The following HOOK1 variants were observed in gnomAD, a reference collection of about 807,000 sequenced individuals.
HOOK1 encodes protein Hook homolog 1.
Under a neutral mutation model 112.8 loss-of-function variants are expected in HOOK1, and 60 were observed. That is an observed-to-expected ratio of 0.53 (90% confidence interval 0.43 to 0.66). The LOEUF is 0.66. HOOK1 is among the 30% of genes least tolerant of loss of function. The pLI is 0.00. For synonymous variants in HOOK1, 294 were observed against 283.8 expected, an observed-to-expected ratio of 1.04 and a Z score of -0.36; for missense variants, 770 against 856.0, an observed-to-expected ratio of 0.90 and a Z score of 1.25.
rs1559053315 is a variant in HOOK1 at position 59,846,611 on chromosome 1, T to TCCCTCC, written c.789-433_789-432insCCTCCC. On this transcript the variant is annotated intron_variant, in intron 9 of 21. Coordinates refer to ENST00000371208, the MANE Select transcript of HOOK1 (RefSeq NM_015888.6). ...CCTCCCTCCTCCCTCCCTCCCTCCC[T>TCCCTCC]CTCTCTCTCTCATTCTTTCTTTCTT... Among the ~76,000 whole-genome samples, 50 of 106,420 alleles carry TCCCTCC rather than the reference T, an allele frequency of 4.7e-4. 3 individuals are homozygous for TCCCTCC. The highest frequency in any genetic ancestry group is 1.7e-3 in the African/African-American group (46 of 27,566). The allele number at this position is 106,420 out of a possible 152,430, so 69.8% of individuals were successfully genotyped here. A position where few individuals can be genotyped will look rare whatever the true frequency, so the allele number is the denominator to read the frequency against.
intron 5 of HOOK1, among the ~76,000 whole-genome samples, chr1:59,833,791 C>G (rs1421271801): frequency 6.6e-6 from 1 of 151,986 alleles, no homozygotes; most frequent in African/African-American, 2.4e-5. Flanking sequence ...TTAATATACC[C>G]AGTACATAAG....
chr1:59,856,009 T>C (rs1186909272), intron 12 of HOOK1, among the ~76,000 whole-genome samples: 2 of 133,618 alleles, frequency 1.5e-5, no homozygotes, highest in South Asian at 2.3e-4. Flanking sequence ...TTTTTTTTTT[T>C]TGTAGAGACA....
chr1:59,868,354 A>C lies in HOOK1; in HGVS notation c.1947+3A>C. ...AGAGAAGAATTGAGATTCTGGAGGT[A>C]AAACTTTTATATTTACTCATCTTTT... is the stretch of plus-strand genomic sequence containing the variant. On this transcript the variant is annotated splice_donor_region_variant and intron_variant, in intron 20 of 21. Transcript: ENST00000371208. 6.6e-7 allele frequency: 1 copy of C among 1,519,420 alleles called. No homozygotes were observed. The highest frequency in any genetic ancestry group is 1.1e-5 in the South Asian group (1 of 88,440). The allele number at this position is 1,519,420 out of a possible 1,614,324, so 94.1% of individuals were successfully genotyped here. A position where few individuals can be genotyped will look rare whatever the true frequency, so the allele number is the denominator to read the frequency against.
intron 15 of HOOK1, 34 bp from the exon 16 acceptor site, chr1:59,862,750 T>C: frequency 7.7e-7 from 1 of 1,306,036 alleles, no homozygotes; most frequent in Non-Finnish European, 1.1e-6. Flanking sequence ...TGACTTTCAA[T>C]ACAAGTAAAT....
At chr1:59,854,038 A>G (rs4915733) in intron 12 of HOOK1, among the ~76,000 whole-genome samples, 1 of 11,440 alleles carries the variant, frequency 8.7e-5, no homozygotes, top group Non-Finnish European at 1.3e-4. Flanking sequence ...ATATATATAT[A>G]TTTTTTTTTT....
At chr1:59,870,964 A>G in intron 20 of HOOK1, 78 bp from the exon 21 acceptor site, 1 of 935,948 alleles carries the variant, frequency 1.1e-6, no homozygotes, top group East Asian at 2.4e-5. Flanking sequence ...AATAATGAAC[A>G]TAGTGAAGAA....
At position 59,833,391 on chromosome 1, in the gene HOOK1, T is replaced by C; in HGVS notation, c.274-14T>C. On this transcript the variant is annotated splice_polypyrimidine_tract_variant and intron_variant, in intron 4 of 21. Coordinates refer to ENST00000371208, the MANE Select transcript of HOOK1 (RefSeq NM_015888.6). ...CGACATAAATGAGTGATCTAATTTA[T>C]TTTAATATTGTAGTTTTTGGGGCAG... 1 of 1,486,008 alleles carries C rather than the reference T, an allele frequency of 6.7e-7. No individual in the cohort carries two copies. Among genetic ancestry groups the C allele is most frequent in the Non-Finnish European group, 9.0e-7 (1 of 1,106,514 alleles). The allele number at this position is 1,486,008 out of a possible 1,614,324, so 92.1% of individuals were successfully genotyped here.
chr1:59,835,223 T>C, intron 5 of HOOK1, 122 bp from the exon 6 acceptor site: 1 of 660,734 alleles, frequency 1.5e-6, no homozygotes, highest in South Asian at 1.7e-5. Flanking sequence ...GGTGGACAAA[T>C]AATGTATTTA....
intron 6 of HOOK1, among the ~76,000 whole-genome samples, chr1:59,835,764 A>C (rs569771295): frequency 6.6e-6 from 1 of 152,266 alleles, no homozygotes; most frequent in South Asian, 2.1e-4. Context: ...GTTCCACCTC[A>C]GATAATCAGG....
At chr1:59,872,517 A>C (rs1644070637) in intron 21 of HOOK1, among the ~76,000 whole-genome samples, 1 of 142,870 alleles carries the variant, frequency 7.0e-6, no homozygotes, top group African/African-American at 2.9e-5. Context: ...CAAACACAAA[A>C]ATTTTTATAA....
At chr1:59,819,015 G>T (rs1008531758) in intron 1 of HOOK1, among the ~76,000 whole-genome samples, 7 of 151,916 alleles carry the variant, frequency 4.6e-5, no homozygotes, top group South Asian at 4.1e-4. Context: ...CCAGAACACT[G>T]TGTTTAGCGG....
chr1:59,824,353 G>A (rs186937363), intron 2 of HOOK1, among the ~76,000 whole-genome samples: 22 of 152,092 alleles, frequency 1.4e-4, no homozygotes, highest in African/African-American at 4.6e-4. Flanking sequence ...GATTACAGGC[G>A]CATGCCACCA....
intron 2 of HOOK1, among the ~76,000 whole-genome samples, chr1:59,823,969 C>A (rs1287053296): frequency 6.6e-6 from 1 of 152,188 alleles, no homozygotes; most frequent in Non-Finnish European, 1.5e-5. Context: ...CTCTTTGCTT[C>A]ATTCACTTGA....
chr1:59,868,227 A>G (rs1238185379), intron 19 of HOOK1, 23 bp from the exon 20 acceptor site: 5 of 1,199,078 alleles, frequency 4.2e-6, no homozygotes, highest in African/African-American at 1.5e-5. Flanking sequence ...TAAAGTGAAC[A>G]TAGTATTTTT....
intron 11 of HOOK1, 42 bp from the exon 12 acceptor site, chr1:59,849,031 T>A: frequency 8.2e-7 from 1 of 1,224,378 alleles, no homozygotes; most frequent in Non-Finnish European, 1.2e-6. Context: ...TATACACTTA[T>A]ATACTTTTAA....
At chr1:59,826,830 T>A (rs1274460052) in intron 2 of HOOK1, among the ~76,000 whole-genome samples, 1 of 152,232 alleles carries the variant, frequency 6.6e-6, no homozygotes, top group Non-Finnish European at 1.5e-5. Context: ...AGGCACAATC[T>A]TGGCTCACTG....
At chr1:59,818,038 T>C (rs1436315490) in intron 1 of HOOK1, among the ~76,000 whole-genome samples, 2 of 152,242 alleles carry the variant, frequency 1.3e-5, no homozygotes, top group Non-Finnish European at 1.5e-5. Context: ...CTTAGTTTTT[T>C]ATAAATACTT....
At chr1:59,861,064 C>T (rs888554740) in intron 15 of HOOK1, among the ~76,000 whole-genome samples, 2 of 152,060 alleles carry the variant, frequency 1.3e-5, no homozygotes, top group African/African-American at 2.4e-5. Context: ...GCGTGAGCCA[C>T]CATGCCTGGC....
intron 19 of HOOK1, among the ~76,000 whole-genome samples, chr1:59,867,838 T>C (rs1643994435): frequency 6.6e-6 from 1 of 152,176 alleles, no homozygotes; most frequent in African/African-American, 2.4e-5. Flanking sequence ...CTGTGTGTTG[T>C]TCTTACTTTA....
Sources: allele counts gnomAD v4.1 joint callset (sites outside exome capture counted in the v4.1 genomes callset), GRCh38; gene constraint gnomAD v4.1.1; transcripts MANE v1.5; gene names NCBI Gene and HGNC (gene_info 2026-07-23, HGNC 2026-07-21).